SLC15A1: variants seen among roughly 807,000 people sequenced by gnomAD.
The protein encoded by SLC15A1 is Caco-2 oligopeptide transporter.
In SLC15A1, 83 loss-of-function variants were observed where a neutral mutation model predicts 92.9. The ratio of observed to expected loss-of-function variants is 0.89; its 90% CI spans 0.75 to 1.07. SLC15A1 has a LOEUF of 1.07. Among genes scored for constraint, SLC15A1 ranks in the 50% least tolerant of loss-of-function variants. The pLI, the probability that SLC15A1 is intolerant of heterozygous loss-of-function variation, is 0.00. For missense variants in SLC15A1, 857 were observed against 880.1 expected, an observed-to-expected ratio of 0.97 and a Z score of 0.33; for synonymous variants, 322 against 318.2, an observed-to-expected ratio of 1.01 and a Z score of -0.13.
intron 1 of SLC15A1, among the ~76,000 whole-genome samples, chr13:98,730,982 C>T (rs1278794224): frequency 2.6e-5 from 4 of 152,200 alleles, no homozygotes; most frequent in Admixed American, 2.6e-4. Context: ...TTTTCTGGTG[C>T]CCTCCCTGCA....
At chr13:98,706,280 G>A in intron 15 of SLC15A1, 27 bp from the exon 16 acceptor site, 1 of 1,608,430 alleles carries the variant, frequency 6.2e-7, no homozygotes, top group Non-Finnish European at 8.5e-7. Context: ...AAAATTGGCA[G>A]TGAGGTCTTC....
chr13:98,686,812 G>A (rs867994418), intron 21 of SLC15A1, among the ~76,000 whole-genome samples: 18 of 152,166 alleles, frequency 1.2e-4, no homozygotes, highest in African/African-American at 4.3e-4. Context: ...ACTAGGCATT[G>A]TGGGCTATAA....
intron 1 of SLC15A1, among the ~76,000 whole-genome samples, chr13:98,741,286 G>A (rs1675113168): frequency 6.6e-6 from 1 of 152,206 alleles, no homozygotes; most frequent in South Asian, 2.1e-4. Context: ...CACCCAGGCT[G>A]TGCCCATCCT....
At chr13:98,727,165 T>C (rs1449171391) in intron 1 of SLC15A1, among the ~76,000 whole-genome samples, 1 of 152,230 alleles carries the variant, frequency 6.6e-6, no homozygotes, top group African/African-American at 2.4e-5. Flanking sequence ...CCCATCGGGA[T>C]AAAATCCACA....
intron 18 of SLC15A1, among the ~76,000 whole-genome samples, chr13:98,696,433 A>G (rs533674421): frequency 5.8e-4 from 88 of 151,728 alleles, no homozygotes; most frequent in African/African-American, 2.0e-3. Context: ...AACAACAACA[A>G]AAAAAAACCC....
intron 4 of SLC15A1, among the ~76,000 whole-genome samples, chr13:98,724,441 CT>C (rs770560837): frequency 6.0e-4 from 92 of 152,272 alleles, no homozygotes; most frequent in Non-Finnish European, 1.1e-3. Context: ...GAGGTTGAAG[CT>C]GCAGTGAGCC....
chr13:98,700,052 C>A (rs1336239009), intron 18 of SLC15A1, among the ~76,000 whole-genome samples: 1 of 152,170 alleles, frequency 6.6e-6, no homozygotes, highest in Admixed American at 6.5e-5. Context: ...TTACATTGAG[C>A]TTTTAGAGTA....
intron 9 of SLC15A1, among the ~76,000 whole-genome samples, chr13:98,714,059 GAAA>G (rs56096468): frequency 5.2e-5 from 7 of 134,464 alleles, no homozygotes; most frequent in African/African-American, 1.9e-4. Flanking sequence ...TCTCAAAAAG[GAAA>G]AAAAAAAAAA....
At chr13:98,751,807 A>T (rs568879722) in intron 1 of SLC15A1, among the ~76,000 whole-genome samples, 1 of 152,224 alleles carries the variant, frequency 6.6e-6, no homozygotes, top group African/African-American at 2.4e-5. Context: ...CCCCTCAACA[A>T]CGTGGCCACA....
At chr13:98,744,585 C>T (rs1333631689) in intron 1 of SLC15A1, among the ~76,000 whole-genome samples, 3 of 151,336 alleles carry the variant, frequency 2.0e-5, no homozygotes, top group African/African-American at 7.3e-5. Flanking sequence ...CCCCTCTCTA[C>T]ACAAGATACA....
At chr13:98,734,635 TA>T (rs1358435416) in intron 1 of SLC15A1, among the ~76,000 whole-genome samples, 3 of 151,960 alleles carry the variant, frequency 2.0e-5, no homozygotes, top group African/African-American at 4.8e-5. Flanking sequence ...ATAGACGCAA[TA>T]AAAAATGATA....
rs1482400539 is a variant in SLC15A1, at chr13:98,747,527, C to T, written c.4+5068G>A. Among the ~76,000 whole-genome samples the T allele has an allele frequency of 3.3e-5, 5 of 152,052 alleles. No homozygotes were observed. In the East Asian group the frequency reaches 7.7e-4, roughly 23 times the overall value. On this transcript the variant is annotated intron_variant, in intron 1 of 22. Coordinates refer to ENST00000376503, the MANE Select transcript of SLC15A1 (RefSeq NM_005073.4). ...AGCTCAACTAGCCCATTGAGTAAGC[C>T]CTGTTTGTTCTTCATGGAATGGTTC... is the stretch of plus-strand genomic sequence containing the variant.
At position 98,709,626 on chromosome 13, in the gene SLC15A1, G is replaced by A. The variant is rs147969208; in HGVS notation, c.1013C>T (p.Pro338Leu). The A allele has an allele frequency of 3.0e-5, 49 of 1,614,136 alleles. 2 individuals are homozygous for A. In the African/African-American group the frequency reaches 3.9e-4, roughly 13 times the overall value. Residue 338 changes from proline to leucine, a missense_variant, in exon 14 of 23, where the codon CCG (proline) becomes CTG (leucine). By Grantham distance (98) the Pro-to-Leu change is moderately conservative (BLOSUM62 -3). Transcript: ENST00000376503. ...VNAILIVIMV[P>L]IFDAVLYPLI... ...AGGGTACAGCACAGCATCGAAGATC[G>A]GGACCATGATCACGATCAGGATGGC...
intron 1 of SLC15A1, among the ~76,000 whole-genome samples, chr13:98,742,584 A>T (rs2088457492): frequency 6.6e-6 from 1 of 151,658 alleles, no homozygotes; most frequent in South Asian, 2.1e-4. Context: ...TCTGAGATGG[A>T]GGTCGGCAGG....
At chr13:98,721,655 C>A in intron 6 of SLC15A1, 70 bp from the exon 7 acceptor site, 1 of 1,262,130 alleles carries the variant, frequency 7.9e-7, no homozygotes, top group South Asian at 1.4e-5. Flanking sequence ...CTGATGATCT[C>A]ATTTTACTAC....
chr13:98,735,572 G>T (rs2088386366), intron 1 of SLC15A1, among the ~76,000 whole-genome samples: 1 of 152,212 alleles, frequency 6.6e-6, no homozygotes, highest in South Asian at 2.1e-4. Context: ...CAGATGACAT[G>T]ACTTTATATT....
intron 1 of SLC15A1, among the ~76,000 whole-genome samples, chr13:98,746,588 T>G (rs12853199): frequency 0.53 from 81,216 of 152,124 alleles, 23,653 homozygotes; most frequent in Non-Finnish European, 0.67. Flanking sequence ...TGCCATGTCC[T>G]AATAGAGCTT....
intron 1 of SLC15A1, among the ~76,000 whole-genome samples, chr13:98,729,899 ACCAGATGGTCTTGCATTTTTG>A (rs978009205): frequency 1.3e-5 from 2 of 151,828 alleles, no homozygotes; most frequent in African/African-American, 2.4e-5. Context: ...GGGGCCTCCT[ACCAGATGGTCTTGCATTTTTG>A]CCCACTTAAG....
At chr13:98,728,464 A>G (rs191492428) in intron 1 of SLC15A1, among the ~76,000 whole-genome samples, 51 of 152,366 alleles carry the variant, frequency 3.3e-4, no homozygotes, top group African/African-American at 1.2e-3. Flanking sequence ...AGGCACAGAA[A>G]GATAGATATC....
Sources: gnomAD v4.1 joint callset for allele counts (sites outside exome capture counted in the v4.1 genomes callset) on GRCh38, gnomAD v4.1.1 for gene constraint, MANE v1.5 for transcripts, NCBI Gene and HGNC (gene_info 2026-07-23, HGNC 2026-07-21) for gene names.